Variants in MARCHF8 observed in about 807,000 individuals in gnomAD.
MARCHF8 encodes E3 ubiquitin-protein ligase MARCHF8.
MARCHF8 carries 40 observed loss-of-function variants against 51.6 expected under a neutral mutation model. That is an observed-to-expected ratio of 0.77 (90% CI 0.60 to 1.01). MARCHF8 has a LOEUF of 1.01. MARCHF8 is among the 50% of genes least tolerant of loss of function. MARCHF8 has a pLI of 0.00. For synonymous variants in MARCHF8, 263 were observed against 280.3 expected (o/e 0.94, Z 0.62); for missense variants, 685 against 708.6 (o/e 0.97, Z 0.38).
At chr10:45,522,207 T>C (rs541070176) in intron 2 of MARCHF8, among the ~76,000 whole-genome samples, 1 of 152,290 alleles carries the variant, frequency 6.6e-6, no homozygotes, top group East Asian at 1.9e-4. Flanking sequence ...AAAGTTTTGT[T>C]GGTAAAAGAT....
chr10:45,549,829 C>G (rs1197804580), intron 1 of MARCHF8, among the ~76,000 whole-genome samples: 1 of 152,250 alleles, frequency 6.6e-6, no homozygotes, highest in African/African-American at 2.4e-5. Context: ...TCTTGCCCAT[C>G]TGCCTTCCAC....
At chr10:45,489,567 A>C (rs2043045727) in intron 2 of MARCHF8, 150 bp from the exon 3 acceptor site, 1 of 631,392 alleles carries the variant, frequency 1.6e-6, no homozygotes, top group East Asian at 2.9e-5. Flanking sequence ...GTATGTAGCC[A>C]GGCAGTAAAT....
chr10:45,580,579 T>C (rs991841059), intron 1 of MARCHF8, among the ~76,000 whole-genome samples: 3 of 152,198 alleles, frequency 2.0e-5, no homozygotes, highest in Non-Finnish European at 2.9e-5. Flanking sequence ...TCATTTCATA[T>C]ATGTAAAAAA....
intron 1 of MARCHF8, among the ~76,000 whole-genome samples, chr10:45,546,162 A>AT (rs992644531): frequency 6.6e-6 from 1 of 151,396 alleles, no homozygotes; most frequent in Non-Finnish European, 1.5e-5. Context: ...TTATTTATTT[A>AT]TTTATTTATT....
In MARCHF8 at chr10:45,464,294, G is replaced by A; in HGVS notation, c.187C>T (p.Pro63Ser). ...GSPPSASAPA[P>S]VSSFSRTSIT... ...GAAGTGCGAGAGAAGGAGGACACCG[G>A]AGCCGGAGCTGATGCTGACGGAGGA... The change falls in exon 4 of 8, where the codon CCG becomes TCG. Residue 63 changes from proline to serine, a missense_variant. Coordinates refer to ENST00000453424, the MANE Select transcript of MARCHF8 (RefSeq NM_001282866.2). 1 of 1,614,186 alleles carries A rather than the reference G, an allele frequency of 6.2e-7. No homozygotes were observed. The highest frequency in any genetic ancestry group is 8.5e-7 in the Non-Finnish European group (1 of 1,180,024).
intron 1 of MARCHF8, among the ~76,000 whole-genome samples, chr10:45,568,921 C>T (rs1370263381): frequency 6.7e-6 from 1 of 149,422 alleles, no homozygotes; most frequent in East Asian, 2.0e-4. Context: ...ACAAAAAAGC[C>T]GGGTGTGGTA....
At chr10:45,464,446 G>T in intron 3 of MARCHF8, 119 bp from the exon 4 acceptor site, 1 of 785,902 alleles carries the variant, frequency 1.3e-6, no homozygotes, top group South Asian at 1.5e-5. Flanking sequence ...GCTGCTCAAC[G>T]AGTAACACAT....
intron 1 of MARCHF8, among the ~76,000 whole-genome samples, chr10:45,560,446 C>A (rs1458911092): frequency 6.6e-6 from 1 of 152,210 alleles, no homozygotes; most frequent in African/African-American, 2.4e-5. Context: ...CATCCGCACA[C>A]AGGACTGCTC....
At chr10:45,496,117 A>T (rs1044066923) in intron 2 of MARCHF8, among the ~76,000 whole-genome samples, 1 of 152,190 alleles carries the variant, frequency 6.6e-6, no homozygotes, top group Non-Finnish European at 1.5e-5. Flanking sequence ...ATTCATAGAT[A>T]AACAGAAACT....
At position 45,546,266 on chromosome 10, in the gene MARCHF8, T is replaced by C. The variant is rs558526287; in HGVS notation, c.-78-12977A>G. On this transcript the variant is annotated intron_variant, in intron 1 of 6. Coordinates refer to the MARCHF8 transcript ENST00000319836. Reference sequence around the variant, plus strand: ...ACCTCCACCTTCCTGGTTCAAGCGATTGCGCTGCCTCAGCCTCCCGAGTAG... The same window carrying C: ...ACCTCCACCTTCCTGGTTCAAGCGACTGCGCTGCCTCAGCCTCCCGAGTAG... 3.0e-4 allele frequency among the ~76,000 whole-genome samples: 45 copies of C among 152,134 alleles called. No individual in the cohort carries two copies. In the East Asian group the frequency reaches 8.2e-3, roughly 28 times the overall value.
intron 1 of MARCHF8, among the ~76,000 whole-genome samples, chr10:45,555,723 G>A (rs1202132007): frequency 2.1e-5 from 3 of 143,512 alleles, no homozygotes; most frequent in Admixed American, 7.2e-5. Flanking sequence ...CAGCCTGAGC[G>A]ACATTGTAAG....
At chr10:45,511,643 C>A (rs904136802) in intron 2 of MARCHF8, among the ~76,000 whole-genome samples, 3 of 152,062 alleles carry the variant, frequency 2.0e-5, no homozygotes, top group Non-Finnish European at 4.4e-5. Context: ...CTCCTAACCG[C>A]GAGTGATCCG....
chr10:45,561,772 G>C (rs938635378), intron 1 of MARCHF8, among the ~76,000 whole-genome samples: 1 of 150,474 alleles, frequency 6.6e-6, no homozygotes, highest in Non-Finnish European at 1.5e-5. Flanking sequence ...GTGGTGGCAG[G>C]TGCCTGTAGT....
At chr10:45,560,524 C>T (rs1322662618) in intron 1 of MARCHF8, among the ~76,000 whole-genome samples, 2 of 152,160 alleles carry the variant, frequency 1.3e-5, no homozygotes, top group Admixed American at 6.5e-5. Context: ...TCATTAAATC[C>T]GTGCTGAATA....
intron 1 of MARCHF8, among the ~76,000 whole-genome samples, chr10:45,562,638 C>T (rs1001655606): frequency 7.2e-5 from 11 of 151,862 alleles, no homozygotes; most frequent in African/African-American, 2.7e-4. Context: ...CTTAGATAAG[C>T]TTATTTTTTT....
chr10:45,469,466 A>G (rs1843085241), intron 3 of MARCHF8, among the ~76,000 whole-genome samples: 1 of 152,242 alleles, frequency 6.6e-6, no homozygotes, highest in African/African-American at 2.4e-5. Context: ...TAAAAGTACA[A>G]TAAAATAGAA....
chr10:45,569,768 C>T (rs930886274), intron 1 of MARCHF8, among the ~76,000 whole-genome samples: 5 of 152,044 alleles, frequency 3.3e-5, no homozygotes, highest in Non-Finnish European at 5.9e-5. Flanking sequence ...GCAATTTTCA[C>T]ATGTATGGAA....
intron 1 of MARCHF8, among the ~76,000 whole-genome samples, chr10:45,547,941 A>G (rs1242643676): frequency 6.6e-6 from 1 of 152,256 alleles, no homozygotes; most frequent in East Asian, 1.9e-4. Context: ...TTCATGGCAG[A>G]TATTTAACTG....
At chr10:45,572,811 C>T (rs2044446317) in intron 1 of MARCHF8, among the ~76,000 whole-genome samples, 1 of 152,098 alleles carries the variant, frequency 6.6e-6, no homozygotes. Context: ...ACATAGGAAA[C>T]GTGTTTTATC....
Sources: gnomAD v4.1 joint callset for allele counts (sites outside exome capture counted in the v4.1 genomes callset) on GRCh38, gnomAD v4.1.1 for gene constraint, MANE v1.5 for transcripts, NCBI Gene and HGNC (gene_info 2026-07-23, HGNC 2026-07-21) for gene names.